Variants in FHIT observed in about 807,000 individuals in gnomAD.
The protein encoded by FHIT is fragile histidine triad diadenosine triphosphatase.
A neutral mutation model predicts 17.9 loss-of-function variants in FHIT; 19 were observed. That is an observed-to-expected ratio of 1.06 (90% CI 0.74 to 1.56). The LOEUF is 1.56. Among genes scored for constraint, FHIT ranks in the 40% most tolerant of loss-of-function variants. FHIT has a pLI of 0.00. For synonymous variants in FHIT, 81 were observed against 69.7 expected (o/e 1.16, Z -0.81); for missense variants, 248 against 189.2 (o/e 1.31, Z -1.82).
intron 4 of FHIT, among the ~76,000 whole-genome samples, chr3:60,730,960 CAA>C (rs56078734): frequency 9.6e-4 from 131 of 135,800 alleles, no homozygotes; most frequent in Middle Eastern, 3.8e-3. Flanking sequence ...AATAAAAATA[CAA>C]AAAAAAAAAA....
intron 8 of FHIT, among the ~76,000 whole-genome samples, chr3:59,875,889 T>C (rs1703134139): frequency 6.6e-6 from 1 of 151,860 alleles, no homozygotes; most frequent in South Asian, 2.1e-4. Flanking sequence ...TGTCAGAGTT[T>C]TTCCCAAGCA....
intron 4 of FHIT, among the ~76,000 whole-genome samples, chr3:60,632,120 C>G (rs1172126708): frequency 4.0e-5 from 6 of 151,172 alleles, no homozygotes; most frequent in Admixed American, 2.0e-4. Flanking sequence ...TTAATTGCAA[C>G]TACTAAGTTT....
At chr3:59,987,595 CATT>C (rs1210414441) in intron 7 of FHIT, among the ~76,000 whole-genome samples, 1 of 152,150 alleles carries the variant, frequency 6.6e-6, no homozygotes, top group Admixed American at 6.6e-5. Context: ...CATTTCCAAA[CATT>C]ATTTGTTTTT....
intron 4 of FHIT, among the ~76,000 whole-genome samples, chr3:60,630,818 C>G (rs1397441304): frequency 1.3e-5 from 2 of 151,872 alleles, no homozygotes; most frequent in South Asian, 2.1e-4. Context: ...AATTAAATCA[C>G]TGGTTAATTG....
At chr3:60,559,192 C>G (rs1316015657) in intron 4 of FHIT, among the ~76,000 whole-genome samples, 1 of 152,008 alleles carries the variant, frequency 6.6e-6, no homozygotes, top group Non-Finnish European at 1.5e-5. Flanking sequence ...TGTAAATCCA[C>G]AGCAGTATTA....
chr3:60,997,313 T>C (rs1575815065), intron 3 of FHIT, among the ~76,000 whole-genome samples: 1 of 152,096 alleles, frequency 6.6e-6, no homozygotes, highest in African/African-American at 2.4e-5. Flanking sequence ...CAGAGAAAGG[T>C]AAAGTGCTGG....
intron 8 of FHIT, among the ~76,000 whole-genome samples, chr3:59,909,766 T>C (rs562742902): frequency 3.3e-5 from 5 of 152,346 alleles, no homozygotes; most frequent in South Asian, 2.1e-4. Flanking sequence ...CCAGTAAATA[T>C]TGGCTTCTGC....
chr3:60,094,229 T>C (rs946210746), intron 5 of FHIT, among the ~76,000 whole-genome samples: 1 of 152,214 alleles, frequency 6.6e-6, no homozygotes, highest in Non-Finnish European at 1.5e-5. Context: ...TGATATCTAA[T>C]GCATTTCATT....
intron 3 of FHIT, among the ~76,000 whole-genome samples, chr3:60,867,440 A>G (rs1418535972): frequency 6.6e-6 from 1 of 152,228 alleles, no homozygotes; most frequent in Non-Finnish European, 1.5e-5. Flanking sequence ...AAGTGTTAAC[A>G]GATCTTCAAA....
At chr3:60,920,409 T>A (rs1038082183) in intron 3 of FHIT, among the ~76,000 whole-genome samples, 4 of 152,126 alleles carry the variant, frequency 2.6e-5, no homozygotes, top group African/African-American at 9.7e-5. Context: ...ATTTCATTGA[T>A]AAAATACTTC....
chr3:60,350,373 T>C (rs1711026085), intron 5 of FHIT, among the ~76,000 whole-genome samples: 1 of 152,166 alleles, frequency 6.6e-6, no homozygotes, highest in African/African-American at 2.4e-5. Flanking sequence ...TAACCAATAT[T>C]TGCCATGTAG....
chr3:60,013,891 C>T (rs1700235077), intron 6 of FHIT, 116 bp downstream of exon 6: 1 of 1,088,134 alleles, frequency 9.2e-7, no homozygotes, highest in Non-Finnish European at 1.3e-6. Flanking sequence ...TTTTTGGCTG[C>T]TACCTAAAAT....
chr3:60,326,543 T>C lies in FHIT; in HGVS notation c.103+210317A>G, dbSNP rs913765251. On this transcript the variant is annotated intron_variant, in intron 5 of 9. Transcript: ENST00000492590. ...GAAGCTTTGCTCAATTGCCCACTGC[T>C]CACTTGTTGCTGTGTGGCCAGGTTC... Among the ~76,000 whole-genome samples the C allele has an allele frequency of 3.9e-5, 6 of 152,172 alleles. No homozygotes were observed. The South Asian group carries it at 1.2e-3, about 32-fold the overall frequency.
chr3:60,041,195 C>T (rs146775289), intron 5 of FHIT, among the ~76,000 whole-genome samples: 1 of 152,258 alleles, frequency 6.6e-6, no homozygotes, highest in Non-Finnish European at 1.5e-5. Context: ...TGACATGACC[C>T]GACAGAAGGA....
At chr3:60,430,773 G>A (rs997980740) in intron 5 of FHIT, among the ~76,000 whole-genome samples, 2 of 151,920 alleles carry the variant, frequency 1.3e-5, no homozygotes, top group Non-Finnish European at 2.9e-5. Flanking sequence ...TGTAAGGTTC[G>A]ATGTACTCTA....
chr3:60,555,257 A>C (rs951251365), intron 4 of FHIT, among the ~76,000 whole-genome samples: 2 of 152,222 alleles, frequency 1.3e-5, no homozygotes, highest in Non-Finnish European at 2.9e-5. Context: ...AATCATAAAA[A>C]GTCAAACTAT....
intron 4 of FHIT, among the ~76,000 whole-genome samples, chr3:60,558,281 G>A (rs74961129): frequency 0.1 from 15,205 of 151,946 alleles, 985 homozygotes; most frequent in East Asian, 0.2. Flanking sequence ...TCCCTGACTG[G>A]CATACACACA....
chr3:61,109,723 C>G (rs2365057), intron 2 of FHIT, among the ~76,000 whole-genome samples: 82,707 of 151,938 alleles, frequency 0.54, 23,418 homozygotes, highest in Non-Finnish European at 0.62. Flanking sequence ...TCTACACACT[C>G]TCACTTGAAG....
intron 5 of FHIT, among the ~76,000 whole-genome samples, chr3:60,087,330 T>C (rs1408128105): frequency 6.6e-6 from 1 of 152,198 alleles, no homozygotes; most frequent in Non-Finnish European, 1.5e-5. Context: ...TCCCATTGGC[T>C]TGACTACTAG....
Sources: allele counts gnomAD v4.1 joint callset (sites outside exome capture counted in the v4.1 genomes callset), GRCh38; gene constraint gnomAD v4.1.1; transcripts MANE v1.5; gene names NCBI Gene and HGNC (gene_info 2026-07-23, HGNC 2026-07-21).